The following RALGPS2 variants were observed in gnomAD, a reference collection of about 807,000 sequenced individuals.
RALGPS2 encodes the protein Ral GEF with PH domain and SH3 binding motif 2.
A neutral mutation model predicts 86.8 loss-of-function variants in RALGPS2; 43 were observed. The ratio of observed to expected loss-of-function variants is 0.50; its 90% CI spans 0.39 to 0.64. The LOEUF (loss-of-function observed/expected upper bound fraction) is 0.64, where lower values mean the gene tolerates loss of function less well. RALGPS2 is among the 30% of genes least tolerant of loss of function. The probability of loss-of-function intolerance (pLI) is 0.00; values close to 1 mark genes in which losing one functional copy is unlikely to be tolerated. For synonymous variants in RALGPS2, 243 were observed against 231.3 expected, an observed-to-expected ratio of 1.05 and a Z score of -0.46; for missense variants, 536 against 694.6, an observed-to-expected ratio of 0.77 and a Z score of 2.57.
At chr1:178,792,703 G>A (rs1348601681) in intron 4 of RALGPS2, among the ~76,000 whole-genome samples, 1 of 152,088 alleles carries the variant, frequency 6.6e-6, no homozygotes, top group Non-Finnish European at 1.5e-5. Context: ...GACCAAATTT[G>A]GATACTTCTA....
intron 19 of RALGPS2, among the ~76,000 whole-genome samples, chr1:178,909,249 C>T (rs1376253060): frequency 6.6e-6 from 1 of 152,090 alleles, no homozygotes; most frequent in Non-Finnish European, 1.5e-5. Context: ...CTATACTGTT[C>T]CATTGGTTCT....
chr1:178,727,922 A>T (rs1319204787), intron 1 of RALGPS2, among the ~76,000 whole-genome samples: 1 of 152,200 alleles, frequency 6.6e-6, no homozygotes, highest in Non-Finnish European at 1.5e-5. Flanking sequence ...AACTCCTCTG[A>T]TAACTTTTTG....
intron 8 of RALGPS2, among the ~76,000 whole-genome samples, chr1:178,862,061 C>T (rs1007383370): frequency 2.0e-5 from 3 of 151,952 alleles, no homozygotes; most frequent in Admixed American, 1.3e-4. Context: ...TTAGTAGAGA[C>T]GGGGTTTCAC....
intron 7 of RALGPS2, among the ~76,000 whole-genome samples, chr1:178,831,282 A>T (rs1656005773): frequency 6.6e-6 from 1 of 152,188 alleles, no homozygotes; most frequent in Non-Finnish European, 1.5e-5. Context: ...CAAACAAAAG[A>T]TTATAATTAA....
chr1:178,869,153 A>G (rs1354718594), intron 8 of RALGPS2: 2 of 151,788 alleles, frequency 1.3e-5, no homozygotes, highest in African/African-American at 4.8e-5. Flanking sequence ...TTTAGAAGAG[A>G]AAAAAAAGTC....
At chr1:178,799,986 G>A (rs1654394450) in intron 4 of RALGPS2, among the ~76,000 whole-genome samples, 1 of 152,082 alleles carries the variant, frequency 6.6e-6, no homozygotes, top group Non-Finnish European at 1.5e-5. Flanking sequence ...AAAAGATTGT[G>A]GATATGGCAA....
chr1:178,734,231 A>C (rs1650549079), intron 1 of RALGPS2, among the ~76,000 whole-genome samples: 1 of 152,236 alleles, frequency 6.6e-6, no homozygotes, highest in Non-Finnish European at 1.5e-5. Context: ...GGATGTTAAG[A>C]AATTGGGATC....
chr1:178,909,632 T>C lies in RALGPS2; in HGVS notation c.1722+2765T>C, dbSNP rs1183009456. 2.0e-5 allele frequency among the ~76,000 whole-genome samples: 3 copies of C among 150,190 alleles called. 1 individual carries two copies. The highest frequency in any genetic ancestry group is 6.8e-3 in the Middle Eastern group (2 of 292). On this transcript the variant is annotated intron_variant, in intron 19 of 19. Coordinates refer to ENST00000367635, the MANE Select transcript of RALGPS2 (RefSeq NM_152663.5). ...TTTGAGCAATTTTTGTAATTCTCTTTTTCTTTTTTAATTTTTTTTTTTTTT... is the reference window on the plus strand; with the variant it reads ...TTTGAGCAATTTTTGTAATTCTCTTCTTCTTTTTTAATTTTTTTTTTTTTT...
rs114727734 is a variant in RALGPS2 at position 178,818,346 on chromosome 1, C to G, written c.388-3266C>G. 6.9e-3 allele frequency among the ~76,000 whole-genome samples: 1,055 copies of G among 152,064 alleles called. 9 individuals are homozygous for G. Among genetic ancestry groups the G allele is most frequent in the African/African-American group, 0.024 (976 of 41,486 alleles). ...GTGCACTCCAGCCTGGGTAACAGAGCGAGACCACGTCTCAAAAAAGAAAAA... is the reference window on the plus strand; with the variant it reads ...GTGCACTCCAGCCTGGGTAACAGAGGGAGACCACGTCTCAAAAAAGAAAAA... On this transcript the variant is annotated intron_variant, in intron 6 of 19. Coordinates refer to ENST00000367635, the MANE Select transcript of RALGPS2 (RefSeq NM_152663.5).
At chr1:178,774,100 C>A (rs1290753890) in intron 1 of RALGPS2, among the ~76,000 whole-genome samples, 1 of 152,008 alleles carries the variant, frequency 6.6e-6, no homozygotes, top group Non-Finnish European at 1.5e-5. Context: ...ATGGTGAAAC[C>A]CTGTCTCTAC....
At chr1:178,915,551 T>G (rs1485031255) in intron 19 of RALGPS2, among the ~76,000 whole-genome samples, 3 of 152,238 alleles carry the variant, frequency 2.0e-5, no homozygotes, top group African/African-American at 2.4e-5. Context: ...GAGTTTCTTA[T>G]AATCAGACCT....
intron 19 of RALGPS2, among the ~76,000 whole-genome samples, chr1:178,907,942 T>C (rs1660456438): frequency 1.3e-5 from 2 of 152,170 alleles, no homozygotes; most frequent in Non-Finnish European, 2.9e-5. Flanking sequence ...TTTTTGTTTG[T>C]TTTTTGACTT....
chr1:178,769,125 C>T (rs1189828222), intron 1 of RALGPS2, among the ~76,000 whole-genome samples: 1 of 152,038 alleles, frequency 6.6e-6, no homozygotes, highest in Non-Finnish European at 1.5e-5. Flanking sequence ...CAAATGAGTG[C>T]TTTGAATGCC....
chr1:178,729,563 G>A (rs193258955), intron 1 of RALGPS2, among the ~76,000 whole-genome samples: 15 of 152,256 alleles, frequency 9.9e-5, no homozygotes, highest in Admixed American at 9.8e-4. Flanking sequence ...GGTTATACAG[G>A]TTGAGCATCC....
intron 16 of RALGPS2, among the ~76,000 whole-genome samples, chr1:178,897,167 C>A (rs917007651): frequency 1.3e-5 from 2 of 151,748 alleles, no homozygotes; most frequent in Admixed American, 6.6e-5. Context: ...ATTTATGCAG[C>A]CAAAAAACAC....
intron 1 of RALGPS2, among the ~76,000 whole-genome samples, chr1:178,771,853 A>G (rs1191721838): frequency 6.6e-6 from 1 of 152,104 alleles, no homozygotes; most frequent in Admixed American, 6.6e-5. Flanking sequence ...TATTTTTTTC[A>G]TGTGTCATTA....
intron 1 of RALGPS2, chr1:178,747,767 G>T: frequency 1.1e-6 from 1 of 872,046 alleles, no homozygotes; most frequent in Non-Finnish European, 1.9e-6. Flanking sequence ...CAGCAGGAGC[G>T]AGCTGGTGCG....
At chr1:178,876,402 C>G (rs1659007428) in intron 8 of RALGPS2, among the ~76,000 whole-genome samples, 1 of 152,070 alleles carries the variant, frequency 6.6e-6, no homozygotes, top group Non-Finnish European at 1.5e-5. Flanking sequence ...CCTTTACTAT[C>G]TATGTATTTC....
intron 7 of RALGPS2, among the ~76,000 whole-genome samples, chr1:178,829,450 T>C (rs12409153): frequency 0.029 from 4,474 of 152,286 alleles, 142 homozygotes; most frequent in East Asian, 0.09. Flanking sequence ...CATAGGTACA[T>C]GAACCCTATT....
Sources: gnomAD v4.1 joint callset for allele counts (sites outside exome capture counted in the v4.1 genomes callset) on GRCh38, gnomAD v4.1.1 for gene constraint, MANE v1.5 for transcripts, NCBI Gene and HGNC (gene_info 2026-07-23, HGNC 2026-07-21) for gene names.